MCUB: variants seen among roughly 807,000 people sequenced by gnomAD.
The protein encoded by MCUB is mitochondrial calcium uniporter dominant negative subunit beta.
In MCUB, 46 loss-of-function variants were observed where a neutral mutation model predicts 41.4. The observed-to-expected ratio is 1.11, with a 90% CI of 0.88 to 1.42. MCUB has a LOEUF of 1.42. MCUB is among the 40% of genes most tolerant of loss of function. The probability of loss-of-function intolerance (pLI) is 0.00; values close to 1 mark genes in which losing one functional copy is unlikely to be tolerated. For missense variants in MCUB, 403 were observed against 404.9 expected (o/e 1.00, Z 0.04); for synonymous variants, 148 against 148.2 (o/e 1.00, Z 0.01).
intron 1 of MCUB, among the ~76,000 whole-genome samples, chr4:109,607,932 TC>T (rs1727916926): frequency 6.6e-6 from 1 of 152,204 alleles, no homozygotes; most frequent in African/African-American, 2.4e-5. Flanking sequence ...TGTTACCTTT[TC>T]CTAGGTTTGG....
chr4:109,615,729 A>G, intron 1 of MCUB, among the ~76,000 whole-genome samples: 1 of 152,204 alleles, frequency 6.6e-6, no homozygotes. Flanking sequence ...TTTATTTGCT[A>G]GGTCTCAGCA....
In MCUB at chr4:109,660,283, A is replaced by G. The variant is rs1729200573; in HGVS notation, c.264A>G (p.Pro88=). The change falls in exon 3 of 8, where the codon CCA becomes CCG. Residue 88 remains proline, a synonymous_variant. Transcript: ENST00000394650. ...AACGTTGTCAATTCGTAGTCAAACCAATGTTGTCAACAGTTGGTTCATTCC... is the reference window on the plus strand; with the variant it reads ...AACGTTGTCAATTCGTAGTCAAACCGATGTTGTCAACAGTTGGTTCATTCC... ...RKERCQFVVK[P]MLSTVGSFLQ... 1 of 1,605,010 alleles carries G rather than the reference A, an allele frequency of 6.2e-7. No individual in the cohort carries two copies. Among genetic ancestry groups the G allele is most frequent in the African/African-American group, 1.3e-5 (1 of 74,680 alleles).
At chr4:109,568,787 C>T (rs1386785925) in intron 1 of MCUB, among the ~76,000 whole-genome samples, 1 of 152,158 alleles carries the variant, frequency 6.6e-6, no homozygotes, top group Non-Finnish European at 1.5e-5. Flanking sequence ...GTTTCTTCTC[C>T]ATCTGTGATC....
At chr4:109,686,509 A>T (rs1729840922) in intron 7 of MCUB, among the ~76,000 whole-genome samples, 1 of 152,208 alleles carries the variant, frequency 6.6e-6, no homozygotes, top group South Asian at 2.1e-4. Flanking sequence ...TTTTAAAAAA[A>T]ATTTGTGGAT....
intron 4 of MCUB, among the ~76,000 whole-genome samples, chr4:109,671,072 A>G (rs1024005666): frequency 6.6e-6 from 1 of 152,136 alleles, no homozygotes; most frequent in Non-Finnish European, 1.5e-5. Flanking sequence ...GGCGACAGCA[A>G]TTTTCCCTCT....
chr4:109,586,284 C>T (rs1056459204), intron 1 of MCUB, among the ~76,000 whole-genome samples: 7 of 152,122 alleles, frequency 4.6e-5, no homozygotes, highest in African/African-American at 1.4e-4. Context: ...GTTCTCGTGC[C>T]ATGGTTTTCA....
intron 1 of MCUB, among the ~76,000 whole-genome samples, chr4:109,566,285 C>G (rs963531564): frequency 6.6e-6 from 1 of 151,360 alleles, no homozygotes; most frequent in African/African-American, 2.4e-5. Flanking sequence ...CTGGCTAACA[C>G]GGTGAAACCC....
At chr4:109,569,497 CTTTTTTT>C (rs35808519) in intron 1 of MCUB, among the ~76,000 whole-genome samples, 5 of 87,198 alleles carry the variant, frequency 5.7e-5, no homozygotes, top group African/African-American at 2.8e-4. Context: ...TTGGCTATCC[CTTTTTTT>C]TTTTTTTTTT....
chr4:109,584,195 G>A (rs1727249537), intron 1 of MCUB, among the ~76,000 whole-genome samples: 1 of 152,104 alleles, frequency 6.6e-6, no homozygotes, highest in Admixed American at 6.5e-5. Flanking sequence ...TATGTGTCCA[G>A]GAATTTATCC....
At chr4:109,655,557 T>C (rs1209385554) in intron 1 of MCUB, among the ~76,000 whole-genome samples, 1 of 152,016 alleles carries the variant, frequency 6.6e-6, no homozygotes. Flanking sequence ...GCTCGTGAAA[T>C]TCCAAGGGAT....
intron 4 of MCUB, chr4:109,673,820 G>A (rs1729512323): frequency 2.8e-6 from 2 of 718,196 alleles, no homozygotes; most frequent in African/African-American, 3.5e-5. Context: ...TTTCGCTCTA[G>A]GGAGATTCTT....
chr4:109,599,191 A>G (rs965562257), intron 1 of MCUB, among the ~76,000 whole-genome samples: 2 of 152,214 alleles, frequency 1.3e-5, no homozygotes, highest in Non-Finnish European at 2.9e-5. Flanking sequence ...TTGAAGCCTT[A>G]CTTAATCAAG....
intron 1 of MCUB, among the ~76,000 whole-genome samples, chr4:109,577,131 C>G (rs1040955056): frequency 6.6e-6 from 1 of 152,150 alleles, no homozygotes; most frequent in South Asian, 2.1e-4. Context: ...GGATTACAGG[C>G]GTGAGCCACC....
At position 109,560,333 on chromosome 4, in the gene MCUB, G is replaced by A. The variant is rs1726589467; in HGVS notation, c.-5G>A. On this transcript the variant is annotated 5_prime_UTR_variant, in exon 1 of 8. Coordinates refer to ENST00000394650, the MANE Select transcript of MCUB (RefSeq NM_017918.5). ...CTGCGGGAGCCGCGCGCCTGGGGCG[G>A]GAGGATGCTCCAGAGGGGCCTCTGG... 5 of 1,256,210 alleles carry A rather than the reference G, an allele frequency of 4.0e-6. No individual in the cohort carries two copies. The highest frequency in any genetic ancestry group is 4.0e-6 in the Non-Finnish European group (4 of 998,418). The allele number at this position is 1,256,210 out of a possible 1,614,324, so 77.8% of individuals were successfully genotyped here.
intron 5 of MCUB, 101 bp from the exon 6 acceptor site, chr4:109,684,342 G>A (rs1254076135): frequency 6.8e-6 from 6 of 888,514 alleles, no homozygotes; most frequent in Non-Finnish European, 6.8e-6. Flanking sequence ...GATTACAGGC[G>A]TGAGCCACCG....
At chr4:109,656,779 G>C (rs916476489) in intron 1 of MCUB, among the ~76,000 whole-genome samples, 1 of 152,150 alleles carries the variant, frequency 6.6e-6, no homozygotes, top group African/African-American at 2.4e-5. Flanking sequence ...TTTTTATGTA[G>C]TTTTGCTAAA....
chr4:109,678,018 T>G (rs1729612454), intron 4 of MCUB, among the ~76,000 whole-genome samples: 1 of 151,970 alleles, frequency 6.6e-6, no homozygotes, highest in Non-Finnish European at 1.5e-5. Flanking sequence ...TGGTGATGAC[T>G]CTTAACGAGT....
At chr4:109,648,348 G>C (rs1332474662) in intron 1 of MCUB, 1 of 237,388 alleles carries the variant, frequency 4.2e-6, no homozygotes, top group African/African-American at 2.3e-5. Flanking sequence ...ATACAGTCTA[G>C]CTGAGAGGGA....
At chr4:109,647,780 C>T (rs528932107) in intron 1 of MCUB, among the ~76,000 whole-genome samples, 1 of 152,160 alleles carries the variant, frequency 6.6e-6, no homozygotes, top group Non-Finnish European at 1.5e-5. Flanking sequence ...GGAGCCCCCA[C>T]CCTTTTAAAT....
Sources: allele counts gnomAD v4.1 joint callset (sites outside exome capture counted in the v4.1 genomes callset), GRCh38; gene constraint gnomAD v4.1.1; transcripts MANE v1.5; gene names NCBI Gene and HGNC (gene_info 2026-07-23, HGNC 2026-07-21).